The following ZBTB20 variants were observed in gnomAD, a reference collection of about 807,000 sequenced individuals.
The protein encoded by ZBTB20 is zinc finger and BTB domain-containing protein 20.
Under a neutral mutation model 56.9 loss-of-function variants are expected in ZBTB20, and 9 were observed. That is an observed-to-expected ratio of 0.16 (90% CI 0.10 to 0.28). The LOEUF (loss-of-function observed/expected upper bound fraction) is 0.28, where lower values mean the gene tolerates loss of function less well. Ranked by LOEUF, ZBTB20 falls within the 10% of genes least tolerant of loss-of-function variation. The pLI is 1.00. For missense variants in ZBTB20, 655 were observed against 1,003.0 expected (o/e 0.65, Z 4.69); for synonymous variants, 417 against 420.7 (o/e 0.99, Z 0.11).
chr3:114,475,268 CT>C (rs2040612624), intron 7 of ZBTB20, among the ~76,000 whole-genome samples: 1 of 152,086 alleles, frequency 6.6e-6, no homozygotes, highest in South Asian at 2.1e-4. Context: ...CCAGTGTCAT[CT>C]TTTCTGATGA....
At chr3:114,960,557 G>A (rs1464747331) in intron 3 of ZBTB20, among the ~76,000 whole-genome samples, 1 of 152,184 alleles carries the variant, frequency 6.6e-6, no homozygotes, top group East Asian at 1.9e-4. Context: ...AGTACCACAT[G>A]AGCTCCCCTA....
intron 3 of ZBTB20, among the ~76,000 whole-genome samples, chr3:114,907,668 T>C (rs1341687577): frequency 2.6e-5 from 4 of 152,060 alleles, no homozygotes; most frequent in East Asian, 1.9e-4. Flanking sequence ...TTATTTTCTT[T>C]CTTTTTTGTC....
intron 6 of ZBTB20, among the ~76,000 whole-genome samples, chr3:114,620,996 A>G (rs1164116117): frequency 6.6e-6 from 1 of 152,236 alleles, no homozygotes; most frequent in Non-Finnish European, 1.5e-5. Flanking sequence ...TTTAACATAT[A>G]GTAAAATAGC....
At chr3:114,742,218 G>T (rs964247597) in intron 5 of ZBTB20, among the ~76,000 whole-genome samples, 85 of 152,156 alleles carry the variant, frequency 5.6e-4, no homozygotes, top group African/African-American at 2.0e-3. Flanking sequence ...GGAAGGGGGA[G>T]GGCAGAGAAG....
intron 2 of ZBTB20, among the ~76,000 whole-genome samples, chr3:115,015,463 T>TC (rs763424618): frequency 1.3e-5 from 2 of 151,562 alleles, no homozygotes; most frequent in Non-Finnish European, 3.0e-5. Flanking sequence ...TGCTCTCACT[T>TC]CCCCCAACCC....
At chr3:114,465,941 C>A (rs1265245648) in intron 7 of ZBTB20, among the ~76,000 whole-genome samples, 1 of 152,066 alleles carries the variant, frequency 6.6e-6, no homozygotes, top group Non-Finnish European at 1.5e-5. Flanking sequence ...CTCTGAGTAT[C>A]CAGGATTTCC....
At chr3:114,863,522 C>G (rs961954731) in intron 4 of ZBTB20, among the ~76,000 whole-genome samples, 3 of 152,080 alleles carry the variant, frequency 2.0e-5, no homozygotes, top group Non-Finnish European at 4.4e-5. Flanking sequence ...GTTTGCAACT[C>G]TATCACATAT....
chr3:114,867,486 A>G (rs2075813885), intron 4 of ZBTB20, among the ~76,000 whole-genome samples: 1 of 152,222 alleles, frequency 6.6e-6, no homozygotes. Context: ...CCCAGGTTGG[A>G]GTGCACTGGC....
At chr3:115,094,380 T>C (rs1467665046) in intron 1 of ZBTB20, among the ~76,000 whole-genome samples, 1 of 151,992 alleles carries the variant, frequency 6.6e-6, no homozygotes, top group Admixed American at 6.6e-5. Context: ...TCTATTTAAA[T>C]AATAAAAGAG....
At chr3:114,480,602 TTGAAC>T (rs766251843) in intron 7 of ZBTB20, among the ~76,000 whole-genome samples, 13 of 152,216 alleles carry the variant, frequency 8.5e-5, no homozygotes, top group Non-Finnish European at 1.9e-4. Context: ...GTGGTCAGGT[TTGAAC>T]TGAAGAACAT....
In ZBTB20 at chr3:114,421,807, AT is replaced by A. The variant is rs11376377; in HGVS notation, c.-254-32703del. The stretch of plus-strand genomic sequence containing the variant: ...CATTAAAGTCATTTTAAGACTACAG[AT>A]TTTTTTTTTTTTTAACTCTGCGTGG... On this transcript the variant is annotated intron_variant, in intron 7 of 11. Transcript: ENST00000675478. Among the ~76,000 whole-genome samples the A allele has an allele frequency of 1.5e-3, 215 of 147,650 alleles. 2 individuals are homozygous for A. Among genetic ancestry groups the A allele is most frequent in the African/African-American group, 5.1e-3 (204 of 40,038 alleles).
At chr3:114,691,562 T>C (rs904446650) in intron 6 of ZBTB20, among the ~76,000 whole-genome samples, 1 of 152,046 alleles carries the variant, frequency 6.6e-6, no homozygotes, top group Admixed American at 6.6e-5. Context: ...ATAATAATAA[T>C]GCTCTTATTG....
At chr3:114,872,661 T>G (rs1018400430) in intron 4 of ZBTB20, among the ~76,000 whole-genome samples, 2 of 151,870 alleles carry the variant, frequency 1.3e-5, no homozygotes, top group Non-Finnish European at 2.9e-5. Context: ...AAGGACTGAC[T>G]ATGGAGTATT....
chr3:114,986,435 T>C (rs1336588770), intron 2 of ZBTB20, among the ~76,000 whole-genome samples: 2 of 152,150 alleles, frequency 1.3e-5, no homozygotes, highest in Non-Finnish European at 2.9e-5. Context: ...TCAAACATTA[T>C]TAATTTTGTC....
intron 6 of ZBTB20, among the ~76,000 whole-genome samples, chr3:114,588,968 T>G (rs897924417): frequency 6.6e-6 from 1 of 152,112 alleles, no homozygotes; most frequent in Admixed American, 6.5e-5. Flanking sequence ...GGAGAGAGAA[T>G]GAGTGCTGAG....
intron 7 of ZBTB20, among the ~76,000 whole-genome samples, chr3:114,414,699 T>G (rs11926840): frequency 0.25 from 37,263 of 147,798 alleles, 5,907 homozygotes; most frequent in African/African-American, 0.44. Context: ...AACGAATACA[T>G]AAAATACTAT....
At chr3:114,602,820 G>A (rs752967511) in intron 6 of ZBTB20, among the ~76,000 whole-genome samples, 1 of 151,852 alleles carries the variant, frequency 6.6e-6, no homozygotes, top group Non-Finnish European at 1.5e-5. Flanking sequence ...ATTATGTCAC[G>A]GACGAATTTT....
chr3:114,758,687 A>G (rs750345995), intron 5 of ZBTB20, among the ~76,000 whole-genome samples: 1 of 152,132 alleles, frequency 6.6e-6, no homozygotes, highest in Non-Finnish European at 1.5e-5. Flanking sequence ...AAGACAAACA[A>G]CTTTGAGAAA....
In ZBTB20 at chr3:114,338,987, AAGAG is replaced by A. The variant is rs1171862992; in HGVS notation, c.*14_*17del. On this transcript the variant is annotated 3_prime_UTR_variant, in exon 12 of 12. Coordinates refer to ENST00000675478, the MANE Select transcript of ZBTB20 (RefSeq NM_001348800.3). ...TTGTTGTTTTGTTTTGTTCATAAGA[AAGAG>A]AGAAAGATACTACTTATCCGTCAGA... 6 of 1,487,090 alleles carry A rather than the reference AAGAG, an allele frequency of 4.0e-6. No homozygotes were observed. Among genetic ancestry groups the A allele is most frequent in the Admixed American group, 2.3e-5 (1 of 43,094 alleles). The allele number at this position is 1,487,090 out of a possible 1,614,324, so 92.1% of individuals were successfully genotyped here.
Sources: allele counts gnomAD v4.1 joint callset (sites outside exome capture counted in the v4.1 genomes callset), GRCh38; gene constraint gnomAD v4.1.1; transcripts MANE v1.5; gene names NCBI Gene and HGNC (gene_info 2026-07-23, HGNC 2026-07-21).